Variants in PAK2 observed in about 807,000 individuals in gnomAD.
PAK2 encodes the protein serine/threonine-protein kinase PAK 2.
PAK2 carries 21 observed loss-of-function variants against 65.9 expected under a neutral mutation model. The ratio of observed to expected loss-of-function variants is 0.32; its 90% CI spans 0.23 to 0.46. The LOEUF is 0.46. PAK2 is among the 20% of genes least tolerant of loss of function. PAK2 has a pLI of 1.00. For missense variants in PAK2, 324 were observed against 642.6 expected (o/e 0.50, Z 5.36); for synonymous variants, 204 against 219.7 (o/e 0.93, Z 0.63).
chr3:196,802,886 A>G (rs1715463262), intron 3 of PAK2, 131 bp from the exon 4 acceptor site: 1 of 549,580 alleles, frequency 1.8e-6, no homozygotes, highest in Non-Finnish European at 3.1e-6. Flanking sequence ...AGAAAATGAG[A>G]TCTTTTAAAA....
chr3:196,787,603 G>A (rs1327757383), intron 2 of PAK2, among the ~76,000 whole-genome samples: 1 of 150,360 alleles, frequency 6.7e-6, no homozygotes, highest in Admixed American at 6.6e-5. Flanking sequence ...AAAAAGAATT[G>A]TATAGACTTT....
At chr3:196,769,324 ATATAAATAAAAATTCAGAGC>A (rs1414287390) in intron 1 of PAK2, among the ~76,000 whole-genome samples, 1 of 151,942 alleles carries the variant, frequency 6.6e-6, no homozygotes, top group Non-Finnish European at 1.5e-5. Context: ...CAAAAAAATA[ATATAAATAAAAATTCAGAGC>A]TGTAAGGGCT....
intron 1 of PAK2, among the ~76,000 whole-genome samples, chr3:196,746,730 A>G (rs920858902): frequency 6.6e-6 from 1 of 151,714 alleles, no homozygotes; most frequent in African/African-American, 2.4e-5. Context: ...GAATCGCTTG[A>G]ACCCGGGAGG....
At chr3:196,811,315 T>TTTCCTTCCTTTCC (rs1553808546) in intron 8 of PAK2, among the ~76,000 whole-genome samples, 14 of 1,046 alleles carry the variant, frequency 0.013, no homozygotes, top group East Asian at 0.25. Context: ...CTTCCCTTCC[T>TTTCCTTCCTTTCC]TTCCTTCCTT....
In PAK2 at chr3:196,825,652, TAATAAATA is replaced by T. The variant is rs757047661; in HGVS notation, c.1351-1529_1351-1522del. Among the ~76,000 whole-genome samples the T allele has an allele frequency of 5.9e-5, 9 of 151,710 alleles. No individual in the cohort carries two copies. The East Asian group carries it at 1.2e-3, about 20-fold the overall frequency. ...AGCCAGACTCCGTCTCAAAAATAAA[TAATAAATA>T]AATAAATAAATAAAATTCAATTTAT... On this transcript the variant is annotated intron_variant, in intron 13 of 14. Transcript: ENST00000327134.
Position 196,807,801 on chromosome 3 carries a change from T to A in PAK2, c.596T>A (p.Ile199Asn), listed in dbSNP as rs764779413. Residue 199 changes from isoleucine (I) to asparagine (N), a missense_variant, in exon 7 of 15, where the codon ATT becomes AAT. By Grantham distance (149) the Ile-to-Asn change is moderately radical. This residue lies in a region of PAK2 where 183 missense variants were observed against 246.2 expected (regional missense o/e 0.74). Coordinates refer to ENST00000327134, the MANE Select transcript of PAK2 (RefSeq NM_002577.4). The stretch of plus-strand genomic sequence containing the variant: ...CCACAGATTTACACACGGTCTGTAA[T>A]TGACCCTGTTCCTGCACCAGTTGGT... Reference protein sequence around the residue: ...HTKSIYTRSVIDPVPAPVGDS... With the variant: ...HTKSIYTRSVNDPVPAPVGDS... The A allele has an allele frequency of 6.2e-7, 1 of 1,606,896 alleles. No homozygotes were observed. Among genetic ancestry groups the A allele is most frequent in the African/African-American group, 1.3e-5 (1 of 74,818 alleles).
chr3:196,826,154 A>G (rs116077239), intron 13 of PAK2, among the ~76,000 whole-genome samples: 2,349 of 147,266 alleles, frequency 0.016, 68 homozygotes, highest in African/African-American at 0.053. Context: ...GCCCAGCCTA[A>G]TTTGTTTTTG....
Position 196,818,518 on chromosome 3 carries a change from C to T in PAK2, c.1153+362C>T, listed in dbSNP as rs572426755. ...AGTAGCTGGGATTACAGGTGTGCACCACCACACCCAGCTAATTTTTGTGTT... is the reference window on the plus strand; with the variant it reads ...AGTAGCTGGGATTACAGGTGTGCACTACCACACCCAGCTAATTTTTGTGTT... On this transcript the variant is annotated intron_variant, in intron 12 of 14. Transcript: ENST00000327134. 3.9e-5 allele frequency among the ~76,000 whole-genome samples: 6 copies of T among 152,226 alleles called. No individual in the cohort carries two copies. In the South Asian group the frequency reaches 1.2e-3, roughly 32 times the overall value.
intron 5 of PAK2, among the ~76,000 whole-genome samples, chr3:196,805,976 A>G (rs895725343): frequency 4.0e-5 from 6 of 151,376 alleles, no homozygotes; most frequent in South Asian, 2.1e-4. Context: ...CAGTGGCGCA[A>G]TCTTGGCTCA....
intron 1 of PAK2, among the ~76,000 whole-genome samples, chr3:196,750,476 C>A (rs564521252): frequency 2.0e-5 from 3 of 152,214 alleles, no homozygotes; most frequent in South Asian, 4.1e-4. Context: ...TTCTACACTG[C>A]TCAAGATCTT....
At chr3:196,826,605 A>T (rs1393116865) in intron 13 of PAK2, among the ~76,000 whole-genome samples, 1 of 151,942 alleles carries the variant, frequency 6.6e-6, no homozygotes, top group Non-Finnish European at 1.5e-5. Flanking sequence ...GTTATTTTTA[A>T]TTATTAACAT....
chr3:196,823,448 C>G (rs1343715498), intron 13 of PAK2, among the ~76,000 whole-genome samples: 3 of 152,064 alleles, frequency 2.0e-5, no homozygotes. Context: ...GGTAAAATCA[C>G]CAGCGCCAAG....
chr3:196,752,324 T>G (rs1263226196), intron 1 of PAK2, among the ~76,000 whole-genome samples: 2 of 152,230 alleles, frequency 1.3e-5, no homozygotes, highest in Non-Finnish European at 2.9e-5. Flanking sequence ...ATTTGGAATG[T>G]ATACATCCTG....
Position 196,756,165 on chromosome 3 carries a change from G to T in PAK2, c.-22+16008G>T, listed in dbSNP as rs573158032. ...AGCCTCGCCACTTGACTTCCTTTAC[G>T]CTTTGTCATTGTTTCAGTTTTTTAA... On this transcript the variant is annotated intron_variant, in intron 1 of 14. Coordinates refer to ENST00000327134, the MANE Select transcript of PAK2 (RefSeq NM_002577.4). Among the ~76,000 whole-genome samples the T allele has an allele frequency of 7.2e-5, 11 of 152,146 alleles. No homozygotes were observed. The South Asian group carries it at 2.1e-3, about 29-fold the overall frequency.
rs577048439 is a variant in PAK2, at chr3:196,826,363, A to C, written c.1351-833A>C. 2.4e-4 allele frequency among the ~76,000 whole-genome samples: 36 copies of C among 151,684 alleles called. No homozygotes were observed. The East Asian group carries it at 3.7e-3, about 16-fold the overall frequency. On this transcript the variant is annotated intron_variant, in intron 13 of 14. Transcript: ENST00000327134. ...ATTTTTTGTATTTTTTAGTAGAGACAGGGTTTCACCATGTTAGTCAGGATG... is the reference window on the plus strand; with the variant it reads ...ATTTTTTGTATTTTTTAGTAGAGACCGGGTTTCACCATGTTAGTCAGGATG...
chr3:196,815,342 A>G (rs1577744722), intron 11 of PAK2, among the ~76,000 whole-genome samples: 1 of 151,334 alleles, frequency 6.6e-6, no homozygotes, highest in Non-Finnish European at 1.5e-5. Context: ...AAATACAAAA[A>G]TTAGCCAGGC....
intron 1 of PAK2, among the ~76,000 whole-genome samples, chr3:196,759,364 T>G (rs1273358562): frequency 6.6e-6 from 1 of 152,132 alleles, no homozygotes; most frequent in African/African-American, 2.4e-5. Context: ...GGTCAGTTTC[T>G]CTTGCTCTCT....
At chr3:196,764,461 T>C (rs1193912618) in intron 1 of PAK2, among the ~76,000 whole-genome samples, 3 of 151,418 alleles carry the variant, frequency 2.0e-5, no homozygotes, top group African/African-American at 7.3e-5. Context: ...CTACTAAAAA[T>C]ACAAAAAATT....
chr3:196,765,768 A>G lies in PAK2; in HGVS notation c.-21-16858A>G, dbSNP rs369210092. On this transcript the variant is annotated intron_variant, in intron 1 of 14. Coordinates refer to ENST00000327134, the MANE Select transcript of PAK2 (RefSeq NM_002577.4). ...GATTTGGCTTTCAGTATGCAACTTG[A>G]TAAGTGGCAGTAGTTTATTTGCCTA... Among the ~76,000 whole-genome samples the G allele has an allele frequency of 7.9e-5, 12 of 152,350 alleles. 1 individual carries two copies. The East Asian group carries it at 1.2e-3, about 15-fold the overall frequency.
Sources: allele counts gnomAD v4.1 joint callset (sites outside exome capture counted in the v4.1 genomes callset), GRCh38; gene constraint gnomAD v4.1.1; regional missense constraint gnomAD v4.1.1; transcripts MANE v1.5; gene names NCBI Gene and HGNC (gene_info 2026-07-23, HGNC 2026-07-21).